Variants in BCAS3 observed in about 807,000 individuals in gnomAD.
BCAS3 encodes the protein BCAS3 microtubule associated cell migration factor.
In BCAS3, 53 loss-of-function variants were observed where a neutral mutation model predicts 116.1. The ratio of observed to expected loss-of-function variants is 0.46; its 90% CI spans 0.37 to 0.57. BCAS3 has a LOEUF of 0.57. Among genes scored for constraint, BCAS3 ranks in the 20% least tolerant of loss-of-function variants. BCAS3 has a pLI of 0.00. For missense variants in BCAS3, 917 were observed against 1,165.4 expected, an observed-to-expected ratio of 0.79 and a Z score of 3.10; for synonymous variants, 391 against 408.2, an observed-to-expected ratio of 0.96 and a Z score of 0.51.
At chr17:60,896,711 A>G (rs1050081449) in intron 10 of BCAS3, among the ~76,000 whole-genome samples, 1 of 151,094 alleles carries the variant, frequency 6.6e-6, no homozygotes, top group African/African-American at 2.4e-5. Context: ...TTTAGTCTAC[A>G]TATGTCTTTA....
chr17:60,779,161 C>T (rs2045565977), intron 6 of BCAS3, among the ~76,000 whole-genome samples: 1 of 152,064 alleles, frequency 6.6e-6, no homozygotes, highest in Non-Finnish European at 1.5e-5. Flanking sequence ...CTTACTCTAG[C>T]TCTGGAGGCT....
chr17:60,976,979 G>C (rs934997115), intron 14 of BCAS3, among the ~76,000 whole-genome samples: 2 of 152,046 alleles, frequency 1.3e-5, no homozygotes, highest in Admixed American at 1.3e-4. Flanking sequence ...GGTGGTGGCC[G>C]GACAGAGGGG....
At chr17:60,836,316 CTTAA>C (rs906986922) in intron 7 of BCAS3, among the ~76,000 whole-genome samples, 13 of 152,096 alleles carry the variant, frequency 8.5e-5, no homozygotes, top group Non-Finnish European at 1.8e-4. Flanking sequence ...CATTAATTCT[CTTAA>C]TTCTTTTCTT....
intron 21 of BCAS3, among the ~76,000 whole-genome samples, chr17:61,079,059 T>C (rs910737553): frequency 2.6e-5 from 4 of 152,158 alleles, no homozygotes; most frequent in African/African-American, 9.7e-5. Context: ...AAATTATGCT[T>C]TTTATTATTA....
At position 61,343,295 on chromosome 17, in the gene BCAS3, G is replaced by T. The variant is rs996275482; in HGVS notation, c.2426-25032G>T. Among the ~76,000 whole-genome samples, 1 of 152,216 alleles carries T rather than the reference G, an allele frequency of 6.6e-6. No individual in the cohort carries two copies. Among genetic ancestry groups the T allele is most frequent in the South Asian group, 2.1e-4 (1 of 4,834 alleles). ...AGAACAAGCCCTTCAATTGTGCACC[G>T]TTGTGTATGGTGCCAGAGTAGCTTC... On this transcript the variant is annotated intron_variant, in intron 22 of 23. Coordinates refer to ENST00000407086, the MANE Select transcript of BCAS3 (RefSeq NM_017679.5). The surrounding 1 kb of genome is among the most constrained non-coding windows in gnomAD (Gnocchi z 5.5).
At position 61,104,035 on chromosome 17, in the gene BCAS3, A is replaced by G. The variant is rs2074489308; in HGVS notation, c.2425+19471A>G. On this transcript the variant is annotated intron_variant, in intron 22 of 23. Coordinates refer to ENST00000407086, the MANE Select transcript of BCAS3 (RefSeq NM_017679.5). The surrounding 1 kb of genome is among the most constrained non-coding windows in gnomAD (Gnocchi z 4.1). ...TGACCCATCTTTAAACCAAAGCTTT[A>G]TAGCCTATTAGAAGCACAGTGTGGA... Among the ~76,000 whole-genome samples the G allele has an allele frequency of 6.6e-6, 1 of 152,222 alleles. No individual in the cohort carries two copies. Among genetic ancestry groups the G allele is most frequent in the South Asian group, 2.1e-4 (1 of 4,836 alleles).
chr17:60,963,167 G>T (rs1443860493), intron 14 of BCAS3, among the ~76,000 whole-genome samples: 1 of 152,148 alleles, frequency 6.6e-6, no homozygotes, highest in African/African-American at 2.4e-5. Context: ...AAGTCAGAAA[G>T]TGTGATGCCT....
At chr17:60,977,942 A>G (rs1221945102) in intron 14 of BCAS3, among the ~76,000 whole-genome samples, 2 of 144,480 alleles carry the variant, frequency 1.4e-5, no homozygotes, top group African/African-American at 5.9e-5. Flanking sequence ...TGCTATTGTG[A>G]ATAATGCCTC....
chr17:61,019,235 C>A lies in BCAS3; in HGVS notation c.1637+3334C>A, dbSNP rs1281831073. 6.6e-6 allele frequency among the ~76,000 whole-genome samples: 1 copy of A among 152,100 alleles called. No individual in the cohort carries two copies. The highest frequency in any genetic ancestry group is 2.1e-4 in the South Asian group (1 of 4,822). On this transcript the variant is annotated intron_variant, in intron 16 of 23. Coordinates refer to ENST00000407086, the MANE Select transcript of BCAS3 (RefSeq NM_017679.5). This position sits in a 1 kb window ranked among gnomAD's most constrained non-coding sequence, Gnocchi z 5.6. Reference sequence around the variant, plus strand: ...TTAGATTCTCGTTAAGAGTGCAAACCCTATTGTTGTGAACTACACATGTGA... The same window carrying A: ...TTAGATTCTCGTTAAGAGTGCAAACACTATTGTTGTGAACTACACATGTGA...
Position 61,180,549 on chromosome 17 carries a change from G to A in BCAS3, c.2425+95985G>A, listed in dbSNP as rs1210480074. On this transcript the variant is annotated intron_variant, in intron 22 of 23. Transcript: ENST00000407086. This position sits in a 1 kb window ranked among gnomAD's most constrained non-coding sequence, Gnocchi z 6.0. Reference sequence around the variant, plus strand: ...ACTGCACATCCAGACTTGACCGTCAGGTCACCTGAAGGACAGGTTCCCTAC... The same window carrying A: ...ACTGCACATCCAGACTTGACCGTCAAGTCACCTGAAGGACAGGTTCCCTAC... Among the ~76,000 whole-genome samples the A allele has an allele frequency of 1.3e-5, 2 of 152,208 alleles. No individual in the cohort carries two copies. Among genetic ancestry groups the A allele is most frequent in the African/African-American group, 4.8e-5 (2 of 41,456 alleles).
chr17:61,192,798 T>G (rs1050183326), intron 22 of BCAS3, among the ~76,000 whole-genome samples: 4 of 152,240 alleles, frequency 2.6e-5, no homozygotes, highest in Admixed American at 2.0e-4. Context: ...ACTTTGAATT[T>G]TATAATGATA....
rs529840441 is a variant in BCAS3 at position 61,170,384 on chromosome 17, G to A, written c.2425+85820G>A. The stretch of plus-strand genomic sequence containing the variant: ...CTTGGCTCACTGCAAGCTCCACCTC[G>A]AGGGTTCACACCATTCTCCTGCCTC... On this transcript the variant is annotated intron_variant, in intron 22 of 23. Coordinates refer to ENST00000407086, the MANE Select transcript of BCAS3 (RefSeq NM_017679.5). Among the ~76,000 whole-genome samples, 431 of 151,848 alleles carry A rather than the reference G, an allele frequency of 2.8e-3. 3 individuals are homozygous for A. Among genetic ancestry groups the A allele is most frequent in the African/African-American group, 9.8e-3 (404 of 41,406 alleles).
intron 22 of BCAS3, among the ~76,000 whole-genome samples, chr17:61,147,662 A>G (rs906168772): frequency 5.3e-5 from 8 of 152,170 alleles, no homozygotes; most frequent in Non-Finnish European, 8.8e-5. Context: ...TATATTCTCA[A>G]TAAAGCTTTG....
chr17:61,064,488 T>C (rs2070401162), intron 19 of BCAS3, among the ~76,000 whole-genome samples: 1 of 152,172 alleles, frequency 6.6e-6, no homozygotes, highest in Non-Finnish European at 1.5e-5. Context: ...GGGTAATTTG[T>C]CCAGATGCTA....
At chr17:60,742,802 T>A (rs957168273) in intron 5 of BCAS3, among the ~76,000 whole-genome samples, 1 of 151,844 alleles carries the variant, frequency 6.6e-6, no homozygotes, top group African/African-American at 2.4e-5. Flanking sequence ...CCATGAACAG[T>A]AGTACAATGG....
At chr17:60,696,980 A>G (rs1036003630) in intron 4 of BCAS3, among the ~76,000 whole-genome samples, 1 of 151,016 alleles carries the variant, frequency 6.6e-6, no homozygotes, top group Admixed American at 6.6e-5. Context: ...TGAGCCCAGG[A>G]GTTCAAGACC....
rs1232236240 is a variant in BCAS3 at position 61,349,456 on chromosome 17, A to G, written c.2426-18871A>G. Reference sequence around the variant, plus strand: ...TGAACAACTGAGTGGGAAATTCTGCACTTAGATTATTGGTCCAGTGGAAAT... The same window carrying G: ...TGAACAACTGAGTGGGAAATTCTGCGCTTAGATTATTGGTCCAGTGGAAAT... On this transcript the variant is annotated intron_variant, in intron 22 of 23. Transcript: ENST00000407086. This position sits in a 1 kb window ranked among gnomAD's most constrained non-coding sequence, Gnocchi z 4.7. Among the ~76,000 whole-genome samples, 2 of 147,926 alleles carry G rather than the reference A, an allele frequency of 1.4e-5. No homozygotes were observed. The highest frequency in any genetic ancestry group is 1.5e-5 in the Non-Finnish European group (1 of 65,846).
chr17:61,338,818 T>A (rs1020846292), intron 22 of BCAS3, among the ~76,000 whole-genome samples: 12 of 150,926 alleles, frequency 8.0e-5, no homozygotes, highest in Admixed American at 6.6e-5. Context: ...GAAAAGTTAT[T>A]TTTTTTCAGT....
chr17:61,026,780 T>C lies in BCAS3; in HGVS notation c.1638-7886T>C. ...TTTTTAGTTATTTTTATCCATACTC[T>C]ATAACAGTATGATATACTTGTATTT... On this transcript the variant is annotated intron_variant, in intron 16 of 23. Transcript: ENST00000407086. This position sits in a 1 kb window ranked among gnomAD's most constrained non-coding sequence, Gnocchi z 5.0. 1 of 1,253,148 alleles carries C rather than the reference T, an allele frequency of 8.0e-7. No individual in the cohort carries two copies. The highest frequency in any genetic ancestry group is 1.1e-6 in the Non-Finnish European group (1 of 875,478). The allele number at this position is 1,253,148 out of a possible 1,614,324, so 77.6% of individuals were successfully genotyped here.
Sources: gnomAD v4.1 joint callset for allele counts (sites outside exome capture counted in the v4.1 genomes callset) on GRCh38, gnomAD v4.1.1 for gene constraint, Gnocchi (gnomAD v3.1) non-coding constraint, MANE v1.5 for transcripts, NCBI Gene and HGNC (gene_info 2026-07-23, HGNC 2026-07-21) for gene names.